PCDHGA5: variants seen among roughly 807,000 people sequenced by gnomAD.
PCDHGA5 encodes the protein protocadherin gamma subfamily A, 5.
Under a neutral mutation model 56.7 loss-of-function variants are expected in PCDHGA5, and 36 were observed. The observed-to-expected ratio is 0.64, with a 90% CI of 0.49 to 0.84. The LOEUF is 0.84. Ranked by LOEUF, PCDHGA5 falls within the 40% of genes least tolerant of loss-of-function variation. The probability of loss-of-function intolerance (pLI) is 0.00; values close to 1 mark genes in which losing one functional copy is unlikely to be tolerated. For missense variants in PCDHGA5, 1,305 were observed against 1,201.5 expected, an observed-to-expected ratio of 1.09 and a Z score of -1.27; for synonymous variants, 563 against 520.2, an observed-to-expected ratio of 1.08 and a Z score of -1.12.
intron 1 of PCDHGA5, among the ~76,000 whole-genome samples, chr5:141,456,824 G>C (rs2098890304): frequency 6.6e-6 from 1 of 152,052 alleles, no homozygotes; most frequent in African/African-American, 2.4e-5. Flanking sequence ...ATTAGCCATC[G>C]TGGTAGTGGG....
intron 1 of PCDHGA5, among the ~76,000 whole-genome samples, chr5:141,456,940 G>A (rs1284610928): frequency 6.6e-6 from 1 of 152,138 alleles, no homozygotes; most frequent in Non-Finnish European, 1.5e-5. Context: ...TCCAGCCTGG[G>A]CAACAGAGCA....
chr5:141,418,647 G>C, intron 1 of PCDHGA5: 1 of 1,614,034 alleles, frequency 6.2e-7, no homozygotes, highest in Non-Finnish European at 8.5e-7. Flanking sequence ...TCCATCCTGA[G>C]AGTGAAGGCC....
chr5:141,402,197 A>G (rs1346156119), intron 1 of PCDHGA5, among the ~76,000 whole-genome samples: 5 of 152,132 alleles, frequency 3.3e-5, no homozygotes, highest in Non-Finnish European at 5.9e-5. Context: ...TATTACTTTT[A>G]TAATACAAAA....
chr5:141,485,341 G>C lies in PCDHGA5; in HGVS notation c.2422-9466G>C. 1.2e-6 allele frequency: 2 copies of C among 1,614,118 alleles called. No homozygotes were observed. Among genetic ancestry groups the C allele is most frequent in the Non-Finnish European group, 8.5e-7 (1 of 1,180,022 alleles). ...TCGCTCAAGATTTCCTGCTGGATAC[G>C]GACAGTCTGTCAGCTCGCAGGCTGC... On this transcript the variant is annotated intron_variant, in intron 1 of 3. Coordinates refer to ENST00000518069, the MANE Select transcript of PCDHGA5 (RefSeq NM_018918.3). The surrounding 1 kb of genome is among the most constrained non-coding windows in gnomAD (Gnocchi z 5.7).
At chr5:141,418,045 G>A (rs754041387) in intron 1 of PCDHGA5, 2 of 1,614,002 alleles carry the variant, frequency 1.2e-6, no homozygotes, top group East Asian at 2.2e-5. Flanking sequence ...TGGATGTGTC[G>A]GCTCGCGAGC....
At chr5:141,388,064 G>A in intron 1 of PCDHGA5, 1 of 1,376,092 alleles carries the variant, frequency 7.3e-7, no homozygotes, top group South Asian at 1.3e-5. Context: ...GCGTCCAGGA[G>A]TTACCGACTC....
chr5:141,420,673 A>T (rs1244699899), intron 1 of PCDHGA5, among the ~76,000 whole-genome samples: 5 of 152,208 alleles, frequency 3.3e-5, no homozygotes, highest in Admixed American at 3.3e-4. Flanking sequence ...CTACCTGATG[A>T]TTTTATCGGG....
At position 141,408,231 on chromosome 5, in the gene PCDHGA5, G is replaced by C. The variant is rs775180708; in HGVS notation, c.2421+41480G>C. 1.0e-5 allele frequency: 16 copies of C among 1,567,976 alleles called. No individual in the cohort carries two copies. The highest frequency in any genetic ancestry group is 1.2e-5 in the Non-Finnish European group (14 of 1,156,162). ...GGAGGGAGCTGCGCGCAGAGGCGCC[G>C]GGCCGGCCCGCGGCAGGTGCTATTT... is the stretch of plus-strand genomic sequence containing the variant. On this transcript the variant is annotated intron_variant, in intron 1 of 3. Transcript: ENST00000518069.
rs1329649336 is a variant in PCDHGA5, at chr5:141,477,589, GCTTT to G, written c.2422-17207_2422-17204del. 2 of 1,614,130 alleles carry G rather than the reference GCTTT, an allele frequency of 1.2e-6. No homozygotes were observed. Among genetic ancestry groups the G allele is most frequent in the South Asian group, 1.1e-5 (1 of 91,086 alleles). ...ACCCCGACGCCCCGCAGAATGCTCGGCTTTCTTTCTTTCTCTTGGAGCAAGGAGC... is the reference window on the plus strand; with the variant it reads ...ACCCCGACGCCCCGCAGAATGCTCGGCTTTCTTTCTCTTGGAGCAAGGAGC... On this transcript the variant is annotated intron_variant, in intron 1 of 3. Coordinates refer to ENST00000518069, the MANE Select transcript of PCDHGA5 (RefSeq NM_018918.3). The surrounding 1 kb of genome is among the most constrained non-coding windows in gnomAD (Gnocchi z 4.9).
At chr5:141,403,276 C>T (rs1331205396) in intron 1 of PCDHGA5, 3 of 1,613,844 alleles carry the variant, frequency 1.9e-6, no homozygotes, top group Non-Finnish European at 2.5e-6. Context: ...ACTTTAAAGT[C>T]CTGGTTGAAG....
intron 1 of PCDHGA5, chr5:141,372,236 C>G (rs777727544): frequency 1.2e-6 from 2 of 1,613,204 alleles, no homozygotes; most frequent in East Asian, 4.5e-5. Flanking sequence ...CCAGCGAGCC[C>G]GGGCTGTTCA....
chr5:141,372,366 G>A lies in PCDHGA5; in HGVS notation c.2421+5615G>A, dbSNP rs867619570. ...AGGACAGCAGCCTCTTTCAGCCACC[G>A]TCATGCTGCACCTAATCTTCGCAGA... On this transcript the variant is annotated intron_variant, in intron 1 of 3. Coordinates refer to ENST00000518069, the MANE Select transcript of PCDHGA5 (RefSeq NM_018918.3). The A allele has an allele frequency of 3.7e-6, 6 of 1,613,832 alleles. No homozygotes were observed. In the African/African-American group the frequency reaches 6.7e-5, roughly 18 times the overall value.
chr5:141,505,342 T>C (rs2099845433), intron 2 of PCDHGA5, 51 bp from the exon 3 acceptor site: 1 of 1,612,738 alleles, frequency 6.2e-7, no homozygotes, highest in African/African-American at 1.3e-5. Flanking sequence ...AGGAGGGGCA[T>C]GAGCTGTGCC....
chr5:141,481,401 CT>C (rs2099537157), intron 1 of PCDHGA5, among the ~76,000 whole-genome samples: 1 of 152,204 alleles, frequency 6.6e-6, no homozygotes, highest in African/African-American at 2.4e-5. Flanking sequence ...TGACAAAATT[CT>C]TGTATAATTA....
intron 1 of PCDHGA5, chr5:141,403,867 A>C (rs755401788): frequency 1.1e-5 from 17 of 1,613,606 alleles, no homozygotes; most frequent in Admixed American, 3.3e-5. Flanking sequence ...CAACAGCAAA[A>C]AGTCTAGATT....
chr5:141,458,695 G>T (rs551105765), intron 1 of PCDHGA5, among the ~76,000 whole-genome samples: 2 of 151,734 alleles, frequency 1.3e-5, no homozygotes, highest in Non-Finnish European at 2.9e-5. Context: ...TCAGCCTCCC[G>T]AGTAGCTGGG....
intron 1 of PCDHGA5, among the ~76,000 whole-genome samples, chr5:141,466,725 G>A (rs1184472416): frequency 2.6e-5 from 4 of 152,024 alleles, no homozygotes; most frequent in Non-Finnish European, 5.9e-5. Context: ...TTCCATTTTA[G>A]CAGAATTCAT....
At chr5:141,369,492 C>T (rs1183800613) in intron 1 of PCDHGA5, among the ~76,000 whole-genome samples, 1 of 151,590 alleles carries the variant, frequency 6.6e-6, no homozygotes, top group Non-Finnish European at 1.5e-5. Context: ...CATAGTGAAA[C>T]CCCACCTCTA....
intron 1 of PCDHGA5, chr5:141,413,772 A>G: frequency 1.9e-6 from 3 of 1,613,226 alleles, no homozygotes; most frequent in Non-Finnish European, 2.5e-6. Context: ...CGGAGCTGGT[A>G]CTGGAGCACT....
Sources: allele counts gnomAD v4.1 joint callset (sites outside exome capture counted in the v4.1 genomes callset), GRCh38; gene constraint gnomAD v4.1.1; non-coding constraint Gnocchi (gnomAD v3.1); transcripts MANE v1.5; gene names NCBI Gene and HGNC (gene_info 2026-07-23, HGNC 2026-07-21).